SASH1: variants seen among roughly 807,000 people sequenced by gnomAD.
SASH1 encodes the protein SAM and SH3 domain containing 1.
SASH1 carries 44 observed loss-of-function variants against 125.2 expected under a neutral mutation model. That is an observed-to-expected ratio of 0.35 (90% CI 0.28 to 0.45). The LOEUF is 0.45. Among genes scored for constraint, SASH1 ranks in the 20% least tolerant of loss-of-function variants. The pLI, the probability that SASH1 is intolerant of heterozygous loss-of-function variation, is 1.00. For missense variants in SASH1, 1,426 were observed against 1,614.5 expected (o/e 0.88, Z 2.00); for synonymous variants, 639 against 649.1 (o/e 0.98, Z 0.24).
At chr6:148,526,130 C>T (rs937236817) in intron 11 of SASH1, among the ~76,000 whole-genome samples, 11 of 145,564 alleles carry the variant, frequency 7.6e-5, no homozygotes, top group Non-Finnish European at 1.6e-4. Flanking sequence ...ACAATCTTGC[C>T]TCACTGCAAC....
In SASH1 at chr6:148,546,255, A is replaced by G. The variant is rs1030542336; in HGVS notation, c.3480+109A>G. 3.8e-6 allele frequency: 5 copies of G among 1,299,094 alleles called. No homozygotes were observed. The South Asian group carries it at 4.4e-5, about 12-fold the overall frequency. 80.5% of individuals were successfully genotyped at this position (1,299,094 alleles called of 1,614,324 possible). ...GGCAAGGGCTTGCGTAGCTATGGAA[A>G]GGAGACAGCTGGGGAGAAAGTAATA... On this transcript the variant is annotated intron_variant, in intron 19 of 19. Transcript: ENST00000367467.
At chr6:148,339,020 A>G (rs1781246403), upstream of SASH1, among the ~76,000 whole-genome samples, 1 of 150,376 alleles carries the variant, frequency 6.6e-6, no homozygotes, top group Non-Finnish European at 1.5e-5. Flanking sequence ...AAAAAAAAAA[A>G]AAAAGAGAGA....
intron 1 of SASH1, among the ~76,000 whole-genome samples, chr6:148,375,118 A>G (rs1364663884): frequency 1.3e-5 from 2 of 151,856 alleles, no homozygotes; most frequent in Non-Finnish European, 2.9e-5. Context: ...AGCCTCCCAA[A>G]TAGCTAAAAC....
intron 1 of SASH1, among the ~76,000 whole-genome samples, chr6:148,354,319 A>T (rs1014031593): frequency 6.6e-6 from 1 of 152,224 alleles, no homozygotes; most frequent in Non-Finnish European, 1.5e-5. Context: ...TAGTTTTTTT[A>T]TGTGTCTAAG....
the SASH1 span, among the ~76,000 whole-genome samples, chr6:148,235,075 T>C: frequency 3.3e-5 from 5 of 152,214 alleles, 1 homozygote; most frequent in Admixed American, 3.3e-4. Flanking sequence ...CGCCATTCTA[T>C]GATTTTGGCT....
intron 1 of SASH1, among the ~76,000 whole-genome samples, chr6:148,291,877 G>T (rs920843194): frequency 1.1e-4 from 17 of 152,214 alleles, no homozygotes; most frequent in African/African-American, 3.1e-4. Flanking sequence ...TGGGGATAAG[G>T]TTAAAGAAAA....
chr6:148,363,555 C>A (rs974932686), intron 1 of SASH1, among the ~76,000 whole-genome samples: 1 of 152,084 alleles, frequency 6.6e-6, no homozygotes, highest in African/African-American at 2.4e-5. Context: ...CGCCCGCCAC[C>A]ACACCCGGCT....
At chr6:148,454,619 G>A (rs1301452963) in intron 4 of SASH1, among the ~76,000 whole-genome samples, 1 of 152,170 alleles carries the variant, frequency 6.6e-6, no homozygotes, top group Non-Finnish European at 1.5e-5. Context: ...TGGAGCCCCA[G>A]GCCTAGCTGG....
chr6:148,350,930 C>T (rs1283338755), intron 1 of SASH1, among the ~76,000 whole-genome samples: 1 of 152,224 alleles, frequency 6.6e-6, no homozygotes, highest in Non-Finnish European at 1.5e-5. Flanking sequence ...AATGGTAGGT[C>T]TCTTCCTCAT....
At chr6:148,344,779 G>A (rs562841262) in intron 1 of SASH1, among the ~76,000 whole-genome samples, 14 of 145,284 alleles carry the variant, frequency 9.6e-5, no homozygotes, top group African/African-American at 2.6e-4. Context: ...TTTTTGAGAC[G>A]AAGTCTTGCT....
chr6:148,254,084 G>A, the SASH1 span, among the ~76,000 whole-genome samples: 1 of 151,906 alleles, frequency 6.6e-6, no homozygotes, highest in Non-Finnish European at 1.5e-5. Flanking sequence ...GCGTGCACCT[G>A]TAATCCCAGC....
At chr6:148,326,358 G>T (rs9403939) in intron 1 of SASH1, among the ~76,000 whole-genome samples, 218 of 12,452 alleles carry the variant, frequency 0.018, 12 homozygotes, top group African/African-American at 0.056. Flanking sequence ...ATATATATAT[G>T]CATATATATA....
chr6:148,467,013 G>T (rs1777869137), intron 4 of SASH1, among the ~76,000 whole-genome samples: 1 of 150,030 alleles, frequency 6.7e-6, no homozygotes, highest in South Asian at 2.1e-4. Flanking sequence ...TAAGCCCAAG[G>T]ATACTGTATT....
upstream of SASH1, among the ~76,000 whole-genome samples, chr6:148,338,060 A>G (rs1781215243): frequency 9.0e-6 from 1 of 110,816 alleles, no homozygotes; most frequent in Admixed American, 9.4e-5. Context: ...TGGAATATCT[A>G]CACTTCCCTG....
intron 1 of SASH1, among the ~76,000 whole-genome samples, chr6:148,346,522 C>G (rs1582995998): frequency 6.6e-6 from 1 of 151,380 alleles, no homozygotes; most frequent in Non-Finnish European, 1.5e-5. Flanking sequence ...TTGTGAGTGC[C>G]TGGAGGGCAG....
chr6:148,209,393 A>C, the SASH1 span, among the ~76,000 whole-genome samples: 1 of 152,258 alleles, frequency 6.6e-6, no homozygotes, highest in Non-Finnish European at 1.5e-5. Context: ...ACCTCTACTC[A>C]GGCAAAATTT....
At chr6:148,305,334 G>A (rs145536974) in intron 1 of SASH1, among the ~76,000 whole-genome samples, 8 of 152,286 alleles carry the variant, frequency 5.3e-5, no homozygotes, top group East Asian at 1.9e-4. Context: ...TTGACAAGGC[G>A]CAGTGGCTCA....
chr6:148,385,556 C>T (rs1476952388), intron 1 of SASH1, among the ~76,000 whole-genome samples: 2 of 152,098 alleles, frequency 1.3e-5, no homozygotes, highest in East Asian at 3.9e-4. Context: ...GGAAGCTGGT[C>T]ACAGGAAAGA....
chr6:148,477,689 C>G (rs1345856172), intron 7 of SASH1, among the ~76,000 whole-genome samples: 1 of 132,636 alleles, frequency 7.5e-6, no homozygotes, highest in African/African-American at 2.9e-5. Flanking sequence ...CCACACCTGG[C>G]TAATTTTTTT....
Sources: allele counts gnomAD v4.1 joint callset (sites outside exome capture counted in the v4.1 genomes callset), GRCh38; gene constraint gnomAD v4.1.1; transcripts MANE v1.5; gene names NCBI Gene and HGNC (gene_info 2026-07-23, HGNC 2026-07-21).